PCSK5: variants seen among roughly 807,000 people sequenced by gnomAD.
The protein encoded by PCSK5 is proprotein convertase subtilisin/kexin type 5.
Under a neutral mutation model 233.2 loss-of-function variants are expected in PCSK5, and 129 were observed. The ratio of observed to expected loss-of-function variants is 0.55; its 90% CI spans 0.48 to 0.64. PCSK5 has a LOEUF of 0.64. PCSK5 is among the 30% of genes least tolerant of loss of function. PCSK5 has a pLI of 0.00. For synonymous variants in PCSK5, 825 were observed against 879.2 expected, an observed-to-expected ratio of 0.94 and a Z score of 1.09; for missense variants, 2,076 against 2,430.1, an observed-to-expected ratio of 0.85 and a Z score of 3.06.
At chr9:76,024,122 A>T (rs1828318621) in intron 4 of PCSK5, among the ~76,000 whole-genome samples, 1 of 152,190 alleles carries the variant, frequency 6.6e-6, no homozygotes, top group Non-Finnish European at 1.5e-5. Flanking sequence ...AGGTAGCAGA[A>T]ACTCCGCCAC....
chr9:76,193,408 A>AAAAAT, intron 20 of PCSK5: 26 of 1,154,572 alleles, frequency 2.3e-5, no homozygotes, highest in African/African-American at 1.0e-4. Context: ...CCATATTATT[A>AAAAAT]AAAAGAAAAA....
rs187779932 is a variant in PCSK5 at position 75,903,640 on chromosome 9, G to A, written c.192+12267G>A. Among the ~76,000 whole-genome samples, 780 of 142,614 alleles carry A rather than the reference G, an allele frequency of 5.5e-3. 4 individuals are homozygous for A. The highest frequency in any genetic ancestry group is 9.0e-3 in the Admixed American group (129 of 14,406). The allele number at this position is 142,614 out of a possible 152,430, so 93.6% of individuals were successfully genotyped here. On this transcript the variant is annotated intron_variant, in intron 1 of 37. Transcript: ENST00000674117. ...ATATATATATAAAATAAGTATTTAA[G>A]GGATGATATTTTTGTAATAAGTTCT...
intron 12 of PCSK5, among the ~76,000 whole-genome samples, chr9:76,164,189 A>G (rs1410662683): frequency 2.0e-5 from 3 of 152,332 alleles, no homozygotes; most frequent in East Asian, 3.9e-4. Flanking sequence ...ATATAAATGC[A>G]TCTGTGGGTT....
In PCSK5 at chr9:76,296,524, CAGAG is replaced by C. The variant is rs1828442928; in HGVS notation, c.3323-135_3323-132del. The C allele has an allele frequency of 1.9e-5, 12 of 624,960 alleles. 1 individual carries two copies. The South Asian group carries it at 2.2e-4, about 11-fold the overall frequency. The allele number at this position is 624,960 out of a possible 1,614,324, so 38.7% of individuals were successfully genotyped here. A position where few individuals can be genotyped will look rare whatever the true frequency, so the allele number is the denominator to read the frequency against. On this transcript the variant is annotated intron_variant, in intron 26 of 37. Transcript: ENST00000674117. ...TGCCACTGCACTTTAGCCTGGGCAA[CAGAG>C]AGAGACTCCATCTCAAAAATAATAA...
At position 76,285,181 on chromosome 9, in the gene PCSK5, G is replaced by A. The variant is rs557106542; in HGVS notation, c.3143-7052G>A. ...ACTTGGCCTAAGTGTGGGAGATATTGGCCAACCTGAATCCTGGGAAGTGAA... is the reference window on the plus strand; with the variant it reads ...ACTTGGCCTAAGTGTGGGAGATATTAGCCAACCTGAATCCTGGGAAGTGAA... On this transcript the variant is annotated intron_variant, in intron 24 of 37. Coordinates refer to ENST00000674117, the MANE Select transcript of PCSK5 (RefSeq NM_001372043.1). Among the ~76,000 whole-genome samples, 21 of 152,200 alleles carry A rather than the reference G, an allele frequency of 1.4e-4. No individual in the cohort carries two copies. In the South Asian group the frequency reaches 4.4e-3, roughly 32 times the overall value.
chr9:76,210,739 G>T (rs1359132477), intron 20 of PCSK5, among the ~76,000 whole-genome samples: 3 of 152,162 alleles, frequency 2.0e-5, no homozygotes, highest in Non-Finnish European at 4.4e-5. Flanking sequence ...ATTGGCGTGG[G>T]GGGTGGAGAA....
chr9:76,195,633 C>T (rs1220356876), intron 20 of PCSK5: 1 of 151,990 alleles, frequency 6.6e-6, no homozygotes, highest in African/African-American at 2.4e-5. Context: ...ATGGATAGTA[C>T]AAAGTTTGGA....
Position 76,067,971 on chromosome 9 carries a change from G to T in PCSK5, c.649G>T (p.Ala217Ser). The change falls in exon 6 of 38, where the codon GCT becomes TCT. Residue 217 changes from alanine (A) to serine (S), a missense_variant. Physicochemically the swap from Ala to Ser is moderately conservative, Grantham distance 99. Coordinates refer to ENST00000674117, the MANE Select transcript of PCSK5 (RefSeq NM_001372043.1). The stretch of plus-strand genomic sequence containing the variant: ...TGCCTGCAGGCATGGGACTCGCTGT[G>T]CTGGAGAAGTGGCAGCCGCTGCAAA... ...SNENKHGTRCAGEVAAAANNS... is the reference protein window; with the variant it reads ...SNENKHGTRCSGEVAAAANNS... The T allele has an allele frequency of 6.2e-7, 1 of 1,613,866 alleles. No homozygotes were observed. Among genetic ancestry groups the T allele is most frequent in the Non-Finnish European group, 8.5e-7 (1 of 1,179,856 alleles).
At chr9:75,948,124 G>A (rs1824661513) in intron 2 of PCSK5, among the ~76,000 whole-genome samples, 1 of 151,866 alleles carries the variant, frequency 6.6e-6, no homozygotes, top group East Asian at 1.9e-4. Flanking sequence ...TGGAATTATA[G>A]GCATGAGCCA....
At chr9:75,963,809 G>A (rs1471877494) in intron 2 of PCSK5, among the ~76,000 whole-genome samples, 1 of 152,204 alleles carries the variant, frequency 6.6e-6, no homozygotes, top group Non-Finnish European at 1.5e-5. Context: ...AACCCAGGAG[G>A]CAAAGGTTGC....
intron 2 of PCSK5, among the ~76,000 whole-genome samples, chr9:75,955,086 C>G (rs1379269170): frequency 6.6e-6 from 1 of 152,138 alleles, no homozygotes; most frequent in Non-Finnish European, 1.5e-5. Flanking sequence ...ATTTGTCAAG[C>G]ACCTAGTATG....
chr9:76,159,708 C>T (rs1306080172), intron 12 of PCSK5, among the ~76,000 whole-genome samples: 2 of 151,876 alleles, frequency 1.3e-5, no homozygotes, highest in East Asian at 1.9e-4. Context: ...TAAATGAATA[C>T]GGGTGCCTGT....
At chr9:76,208,511 T>A (rs1587760316) in intron 20 of PCSK5, among the ~76,000 whole-genome samples, 2 of 152,324 alleles carry the variant, frequency 1.3e-5, no homozygotes, top group South Asian at 4.1e-4. Flanking sequence ...AAGTGCCTCT[T>A]GCCTTTGCCT....
At chr9:75,999,896 A>G (rs2131424544) in intron 3 of PCSK5, among the ~76,000 whole-genome samples, 1 of 152,360 alleles carries the variant, frequency 6.6e-6, no homozygotes, top group Non-Finnish European at 1.5e-5. Flanking sequence ...CACCAAAAGC[A>G]GGGGCAACAA....
At chr9:76,298,604 G>T (rs1459352074) in intron 27 of PCSK5, among the ~76,000 whole-genome samples, 1 of 151,754 alleles carries the variant, frequency 6.6e-6, no homozygotes. Flanking sequence ...AAAGTCCTGG[G>T]AGTATTTGAG....
chr9:76,209,277 A>C (rs1825237987), intron 20 of PCSK5, among the ~76,000 whole-genome samples: 1 of 152,192 alleles, frequency 6.6e-6, no homozygotes, highest in African/African-American at 2.4e-5. Flanking sequence ...ATCCCATTAC[A>C]TTCTACTTGC....
intron 20 of PCSK5, among the ~76,000 whole-genome samples, chr9:76,200,821 C>A (rs894538735): frequency 1.3e-5 from 2 of 152,144 alleles, no homozygotes; most frequent in African/African-American, 4.8e-5. Context: ...GTGGGGTCAA[C>A]CGGTAAAGAA....
intron 5 of PCSK5, among the ~76,000 whole-genome samples, chr9:76,062,347 CA>C (rs1333651570): frequency 1.3e-5 from 2 of 151,940 alleles, no homozygotes; most frequent in African/African-American, 4.8e-5. Context: ...ACAGATATGA[CA>C]GGGAAGAAAT....
intron 5 of PCSK5, among the ~76,000 whole-genome samples, chr9:76,044,307 T>C (rs1448922563): frequency 6.6e-6 from 1 of 152,226 alleles, no homozygotes; most frequent in Non-Finnish European, 1.5e-5. Context: ...ATTTCCATAC[T>C]GATTTATGTT....
Sources: gnomAD v4.1 joint callset for allele counts (sites outside exome capture counted in the v4.1 genomes callset) on GRCh38, gnomAD v4.1.1 for gene constraint, MANE v1.5 for transcripts, NCBI Gene and HGNC (gene_info 2026-07-23, HGNC 2026-07-21) for gene names.